The following IFT140 variants were observed in gnomAD, a reference collection of about 807,000 sequenced individuals.
IFT140 encodes intraflagellar transport protein 140 homolog.
A neutral mutation model predicts 164.6 loss-of-function variants in IFT140; 133 were observed. That is an observed-to-expected ratio of 0.81 (90% CI 0.70 to 0.93). The LOEUF (loss-of-function observed/expected upper bound fraction) is 0.93, where lower values mean the gene tolerates loss of function less well. Among genes scored for constraint, IFT140 ranks in the 40% least tolerant of loss-of-function variants. The probability of loss-of-function intolerance (pLI) is 0.00; values close to 1 mark genes in which losing one functional copy is unlikely to be tolerated. For synonymous variants in IFT140, 860 were observed against 817.3 expected (o/e 1.05, Z -0.89); for missense variants, 2,045 against 1,972.3 (o/e 1.04, Z -0.70).
chr16:1,527,349 A>G (rs1286702160), intron 19 of IFT140, among the ~76,000 whole-genome samples: 2 of 152,078 alleles, frequency 1.3e-5, no homozygotes, highest in African/African-American at 4.8e-5. Context: ...GACCCAGCCC[A>G]CGCAGGGTTC....
In IFT140 at chr16:1,571,520, T is replaced by G. The variant is rs2034012535; in HGVS notation, c.1539A>C (p.Gln513His). Residue 513 changes from glutamine (Q) to histidine (H), a missense_variant, in exon 14 of 31, where the codon CAA (glutamine) becomes CAC (histidine). Coordinates refer to ENST00000426508, the MANE Select transcript of IFT140 (RefSeq NM_014714.4). Reference sequence around the variant, plus strand: ...CCTCAGTCTCCGAGAAAAGGAGGAGTTGTTTGACAGTCCCCTGAGGAAAAG... The same window carrying G: ...CCTCAGTCTCCGAGAAAAGGAGGAGGTGTTTGACAGTCCCCTGAGGAAAAG... ...QVRTWQGTVKQLLLFSETEGN... is the reference protein window; with the variant it reads ...QVRTWQGTVKHLLLFSETEGN... The G allele has an allele frequency of 1.2e-6, 2 of 1,609,954 alleles. No homozygotes were observed. Among genetic ancestry groups the G allele is most frequent in the African/African-American group, 2.7e-5 (2 of 74,208 alleles).
intron 4 of IFT140, among the ~76,000 whole-genome samples, chr16:1,598,862 T>C (rs1355479953): frequency 1.3e-5 from 2 of 151,248 alleles, no homozygotes; most frequent in South Asian, 2.1e-4. Flanking sequence ...GGAGTGTCTC[T>C]GCCTGGCCGC....
At chr16:1,521,447 G>A (rs1473607209) in intron 26 of IFT140, among the ~76,000 whole-genome samples, 1 of 152,010 alleles carries the variant, frequency 6.6e-6, no homozygotes, top group Non-Finnish European at 1.5e-5. Flanking sequence ...GGAGTGCAGT[G>A]GCACAATCTT....
chr16:1,589,523 G>C, intron 7 of IFT140, 82 bp downstream of exon 7: 4 of 1,433,402 alleles, frequency 2.8e-6, no homozygotes, highest in Non-Finnish European at 3.9e-6. Context: ...TTGCTATCCA[G>C]AAGAGAAAGG....
Position 1,523,559 on chromosome 16 carries a change from G to T in IFT140, c.3412C>A (p.Gln1138Lys). 1 of 1,613,426 alleles carries T rather than the reference G, an allele frequency of 6.2e-7. No homozygotes were observed. The highest frequency in any genetic ancestry group is 1.1e-5 in the South Asian group (1 of 91,074). ...RCSDFFIEHSQYERAVELLLA... is the reference protein window; with the variant it reads ...RCSDFFIEHSKYERAVELLLA... ...AGCAGCTCTACCGCCCTCTCGTACT[G>T]ACTGTGCTCGATGAAGAAGTCGGAG... The change falls in exon 26 of 31, where the codon CAG (glutamine) becomes AAG (lysine). Residue 1138 changes from glutamine to lysine, a missense_variant. Transcript: ENST00000426508.
chr16:1,611,969 G>C lies in IFT140; in HGVS notation c.-223C>G, dbSNP rs1401009784. ...CACCCAGGAAAGGGTGCGCTTAACT[G>C]CCTCAGACGTGCTTCCACACTTCTC... On this transcript the variant is annotated splice_region_variant and 5_prime_UTR_variant, in exon 1 of 31. Coordinates refer to ENST00000426508, the MANE Select transcript of IFT140 (RefSeq NM_014714.4). The C allele has an allele frequency of 1.3e-5, 2 of 152,252 alleles. No individual in the cohort carries two copies. The highest frequency in any genetic ancestry group is 2.9e-5 in the Non-Finnish European group (2 of 68,062). 9.4% of individuals were successfully genotyped at this position (152,252 alleles called of 1,614,324 possible).
rs578235898 is a variant in IFT140, at chr16:1,577,714, G to C, written c.1524+3045C>G. Reference sequence around the variant, plus strand: ...ACCAAAAATACAAAAAATTAGCCGGGCGTGGTGGCGGGCACCTGTAATCCC... The same window carrying C: ...ACCAAAAATACAAAAAATTAGCCGGCCGTGGTGGCGGGCACCTGTAATCCC... On this transcript the variant is annotated intron_variant, in intron 13 of 30. Coordinates refer to ENST00000426508, the MANE Select transcript of IFT140 (RefSeq NM_014714.4). 8 of 152,292 alleles carry C rather than the reference G, an allele frequency of 5.3e-5. No homozygotes were observed. The East Asian group carries it at 1.5e-3, about 29-fold the overall frequency. The allele number at this position is 152,292 out of a possible 1,614,324, so 9.4% of individuals were successfully genotyped here.
At chr16:1,583,442 T>A (rs1182839095) in intron 11 of IFT140, 56 bp from the exon 12 acceptor site, 6 of 1,418,570 alleles carry the variant, frequency 4.2e-6, no homozygotes, top group Non-Finnish European at 6.0e-6. Flanking sequence ...GGTGCAACTG[T>A]ACACCCCACT....
chr16:1,522,468 G>A (rs1389712717), intron 26 of IFT140, among the ~76,000 whole-genome samples: 2 of 152,254 alleles, frequency 1.3e-5, no homozygotes, highest in East Asian at 1.9e-4. Flanking sequence ...CCGGGAGGTG[G>A]AGGTTGCGGT....
intron 19 of IFT140, chr16:1,541,464 T>A (rs2031627350): frequency 3.0e-6 from 3 of 985,380 alleles, no homozygotes; most frequent in African/African-American, 1.7e-5. Context: ...ACAGCACGCC[T>A]GAGGAGCTGG....
intron 19 of IFT140, among the ~76,000 whole-genome samples, chr16:1,547,834 C>A (rs534108230): frequency 6.6e-5 from 10 of 152,198 alleles, no homozygotes; most frequent in African/African-American, 2.4e-4. Context: ...CTGTGCCTGG[C>A]AAATCATCTA....
At chr16:1,538,170 C>G (rs1322075602) in intron 19 of IFT140, among the ~76,000 whole-genome samples, 1 of 152,198 alleles carries the variant, frequency 6.6e-6, no homozygotes. Context: ...TGCCTCCTTC[C>G]TGGCAGGGCG....
intron 22 of IFT140, 121 bp downstream of exon 22, chr16:1,525,110 G>C: frequency 8.6e-7 from 1 of 1,159,276 alleles, no homozygotes; most frequent in Non-Finnish European, 1.2e-6. Flanking sequence ...CTGAGGAGCC[G>C]GGAGGACGCT....
chr16:1,563,466 C>G, intron 17 of IFT140, among the ~76,000 whole-genome samples: 1 of 151,080 alleles, frequency 6.6e-6, no homozygotes, highest in Non-Finnish European at 1.5e-5. Flanking sequence ...ACAAAACAAA[C>G]AAACAAAAGA....
At chr16:1,539,609 C>T (rs866019594) in intron 19 of IFT140, among the ~76,000 whole-genome samples, 5 of 152,212 alleles carry the variant, frequency 3.3e-5, no homozygotes, top group African/African-American at 4.8e-5. Context: ...CTCGCGGGAG[C>T]GCTATGGTTT....
chr16:1,520,511 G>T, intron 27 of IFT140, 91 bp downstream of exon 27: 1 of 1,407,050 alleles, frequency 7.1e-7, no homozygotes, highest in Admixed American at 2.1e-5. Flanking sequence ...CTAGCTTGGG[G>T]TCATCACGAA....
At chr16:1,539,499 C>T (rs938180370) in intron 19 of IFT140, among the ~76,000 whole-genome samples, 2 of 152,284 alleles carry the variant, frequency 1.3e-5, no homozygotes, top group Non-Finnish European at 2.9e-5. Context: ...GAGCCAGGTC[C>T]TCACCTGCTG....
intron 19 of IFT140, chr16:1,541,585 G>T: frequency 1.2e-6 from 1 of 803,110 alleles, no homozygotes; most frequent in Non-Finnish European, 1.5e-6. Context: ...CCACCCCCAC[G>T]CCAGCGCCTT....
intron 19 of IFT140, 36 bp downstream of exon 19, chr16:1,557,899 G>A (rs2033189659): frequency 4.4e-6 from 7 of 1,596,888 alleles, no homozygotes; most frequent in Non-Finnish European, 6.0e-6. Context: ...GTGAGCACGC[G>A]CTATCTCCCA....
Sources: allele counts gnomAD v4.1 joint callset (sites outside exome capture counted in the v4.1 genomes callset), GRCh38; gene constraint gnomAD v4.1.1; transcripts MANE v1.5; gene names NCBI Gene and HGNC (gene_info 2026-07-23, HGNC 2026-07-21).